The following RP1 variants were observed in gnomAD, a reference collection of about 807,000 sequenced individuals.
RP1 encodes the protein RP1 axonemal microtubule associated.
RP1 carries 16 observed loss-of-function variants against 14.8 expected under a neutral mutation model. The ratio of observed to expected loss-of-function variants is 1.08; its 90% CI spans 0.73 to 1.65. RP1 has a LOEUF of 1.65. RP1 is among the 40% of genes most tolerant of loss of function. The pLI, the probability that RP1 is intolerant of heterozygous loss-of-function variation, is 0.00. For missense variants in RP1, 2,631 were observed against 2,535.0 expected (o/e 1.04, Z -0.81); for synonymous variants, 876 against 883.6 (o/e 0.99, Z 0.15).
intron 1 of RP1, among the ~76,000 whole-genome samples, chr8:54,599,913 G>A (rs1805235675): frequency 6.6e-6 from 1 of 152,152 alleles, no homozygotes; most frequent in African/African-American, 2.4e-5. Context: ...TGCTGGCAGA[G>A]GAAAGGGAAC....
intron 24 of RP1, among the ~76,000 whole-genome samples, chr8:54,812,072 C>T (rs1270763880): frequency 6.6e-6 from 1 of 152,182 alleles, no homozygotes; most frequent in Non-Finnish European, 1.5e-5. Flanking sequence ...CATACTATAT[C>T]GAGACCAAGA....
At chr8:54,712,105 G>T (rs1397140967) in intron 15 of RP1, among the ~76,000 whole-genome samples, 1 of 152,136 alleles carries the variant, frequency 6.6e-6, no homozygotes, top group Non-Finnish European at 1.5e-5. Flanking sequence ...ATCTTTAGGG[G>T]AAACAAGGAG....
chr8:54,737,287 T>C (rs977318455), intron 18 of RP1, among the ~76,000 whole-genome samples: 4 of 152,186 alleles, frequency 2.6e-5, no homozygotes, highest in Non-Finnish European at 4.4e-5. Flanking sequence ...CTTTCCCCCC[T>C]GGCTGGCACA....
At chr8:54,837,809 A>T (rs145093156) in intron 25 of RP1, 20 of 428,422 alleles carry the variant, frequency 4.7e-5, no homozygotes, top group Non-Finnish European at 6.7e-5. Flanking sequence ...GTCTCTGCCA[A>T]AACTGCTCAA....
At chr8:54,656,334 T>A in intron 6 of RP1, 2 of 1,001,100 alleles carry the variant, frequency 2.0e-6, no homozygotes, top group Non-Finnish European at 2.8e-6. Flanking sequence ...CAGTTTCTTA[T>A]CACTTACCTC....
intron 1 of RP1, among the ~76,000 whole-genome samples, chr8:54,583,205 A>C (rs1253341822): frequency 6.6e-6 from 1 of 152,168 alleles, no homozygotes; most frequent in African/African-American, 2.4e-5. Flanking sequence ...AGTTTTTAGC[A>C]TGAAGGGTTG....
chr8:54,628,408 T>G lies in RP1; in HGVS notation c.4526T>G (p.Ile1509Ser). 8 of 1,613,476 alleles carry G rather than the reference T, an allele frequency of 5.0e-6. No individual in the cohort carries two copies. Among genetic ancestry groups the G allele is most frequent in the Non-Finnish European group, 6.8e-6 (8 of 1,179,670 alleles). ...AGTAAAACTTTAGAATTGATAGACATCTCTAGTAAGAATATTATGGAAGAA... is the reference window on the plus strand; with the variant it reads ...AGTAAAACTTTAGAATTGATAGACAGCTCTAGTAAGAATATTATGGAAGAA... ...EASKTLELIDISSKNIMEEKR... is the reference protein window; with the variant it reads ...EASKTLELIDSSSKNIMEEKR... Residue 1509 changes from isoleucine to serine, a missense_variant, in exon 4 of 4, where the codon ATC (isoleucine) becomes AGC (serine). Physicochemically the swap from Ile to Ser is moderately radical, Grantham distance 142. Transcript: ENST00000220676.
intron 24 of RP1, among the ~76,000 whole-genome samples, chr8:54,807,471 T>G (rs1810880669): frequency 6.6e-6 from 1 of 152,204 alleles, no homozygotes; most frequent in Admixed American, 6.5e-5. Flanking sequence ...ATGCATGCTG[T>G]ATTCAATGTG....
intron 24 of RP1, among the ~76,000 whole-genome samples, chr8:54,836,860 A>AT (rs35265869): frequency 0.3 from 46,121 of 151,980 alleles, 7,206 homozygotes; most frequent in South Asian, 0.37. Context: ...TAATTGATCA[A>AT]TTTTTTTTCA....
chr8:54,651,037 G>C (rs1187468945), intron 4 of RP1, among the ~76,000 whole-genome samples: 1 of 151,676 alleles, frequency 6.6e-6, no homozygotes, highest in East Asian at 1.9e-4. Context: ...GTGTCAGGGG[G>C]GCAGTTTGGC....
chr8:54,629,725 G>T lies in RP1; in HGVS notation c.5843G>T (p.Gly1948Val). The T allele has an allele frequency of 1.9e-6, 3 of 1,611,884 alleles. No homozygotes were observed. The highest frequency in any genetic ancestry group is 2.5e-6 in the Non-Finnish European group (3 of 1,178,968). ...GAATCTGATATTGAAAATTTCTTGG[G>T]TTTTTATTTATGGATGAAAATACAC... Reference protein sequence around the residue: ...RKESDIENFLGFYLWMKIHPY... With the variant: ...RKESDIENFLVFYLWMKIHPY... Residue 1948 changes from glycine to valine, a missense_variant, in exon 4 of 4, where the codon GGT becomes GTT. Transcript: ENST00000220676.
At chr8:54,705,992 A>G (rs1282251399) in intron 14 of RP1, among the ~76,000 whole-genome samples, 1 of 152,168 alleles carries the variant, frequency 6.6e-6, no homozygotes, top group Non-Finnish European at 1.5e-5. Flanking sequence ...TAATGATTAC[A>G]TAGGATTTTC....
chr8:54,799,522 C>T (rs1810652538), intron 24 of RP1, among the ~76,000 whole-genome samples: 1 of 151,996 alleles, frequency 6.6e-6, no homozygotes, highest in Admixed American at 6.6e-5. Context: ...TACCATCTTG[C>T]TAGTTGTTTT....
chr8:54,674,732 GA>G (rs146945978), intron 8 of RP1, among the ~76,000 whole-genome samples: 45,756 of 151,188 alleles, frequency 0.3, 8,352 homozygotes, highest in Middle Eastern at 0.49. Flanking sequence ...TATAATCCAT[GA>G]AAAAAAAATT....
chr8:54,706,720 A>C, intron 15 of RP1: 1 of 1,478,604 alleles, frequency 6.8e-7, no homozygotes, highest in South Asian at 1.2e-5. Flanking sequence ...AGACATGAGA[A>C]TAGCACTTTC....
chr8:54,661,053 C>T (rs908929249), intron 6 of RP1, among the ~76,000 whole-genome samples: 2 of 151,180 alleles, frequency 1.3e-5, no homozygotes, highest in Non-Finnish European at 1.5e-5. Flanking sequence ...GTGGTTTACA[C>T]TTGTAATCCC....
intron 1 of RP1, among the ~76,000 whole-genome samples, chr8:54,564,120 C>T (rs138762845): frequency 2.8e-3 from 429 of 152,234 alleles, no homozygotes; most frequent in African/African-American, 9.5e-3. Flanking sequence ...CCGGAATTGT[C>T]GGGACTGGTC....
intron 3 of RP1, among the ~76,000 whole-genome samples, chr8:54,636,977 C>T (rs1426748886): frequency 6.6e-6 from 1 of 152,198 alleles, no homozygotes. Context: ...CCTTTGCTTA[C>T]TTTCTCCCTG....
At chr8:54,621,679 C>A (rs1324116326) in intron 2 of RP1, 98 bp downstream of exon 2, 14 of 1,538,070 alleles carry the variant, frequency 9.1e-6, no homozygotes, top group Middle Eastern at 2.2e-4. Flanking sequence ...GGAAGGAAAT[C>A]TTCCTTCCTC....
Sources: allele counts gnomAD v4.1 joint callset (sites outside exome capture counted in the v4.1 genomes callset), GRCh38; gene constraint gnomAD v4.1.1; transcripts MANE v1.5; gene names NCBI Gene and HGNC (gene_info 2026-07-23, HGNC 2026-07-21).